FHIT: variants seen among roughly 807,000 people sequenced by gnomAD.
The protein encoded by FHIT is fragile histidine triad diadenosine triphosphatase.
FHIT carries 19 observed loss-of-function variants against 17.9 expected under a neutral mutation model. The ratio of observed to expected loss-of-function variants is 1.06; its 90% CI spans 0.74 to 1.56. The LOEUF is 1.56. Ranked by LOEUF, FHIT falls within the 40% of genes most tolerant of loss-of-function variation. The pLI, the probability that FHIT is intolerant of heterozygous loss-of-function variation, is 0.00. For missense variants in FHIT, 248 were observed against 189.2 expected (o/e 1.31, Z -1.82); for synonymous variants, 81 against 69.7 (o/e 1.16, Z -0.81).
intron 3 of FHIT, among the ~76,000 whole-genome samples, chr3:60,981,320 T>C (rs1333407308): frequency 3.3e-5 from 5 of 149,432 alleles, no homozygotes; most frequent in African/African-American, 1.2e-4. Flanking sequence ...TTCTTTTTTT[T>C]TTTTGACAGA....
chr3:59,922,566 C>T (rs1705461261), intron 7 of FHIT, 152 bp from the exon 8 acceptor site: 1 of 651,470 alleles, frequency 1.5e-6, no homozygotes, highest in African/African-American at 1.8e-5. Context: ...GGTAACTATA[C>T]CTGAAATCTG....
intron 2 of FHIT, among the ~76,000 whole-genome samples, chr3:61,163,319 T>C (rs1019280517): frequency 2.0e-5 from 3 of 152,236 alleles, no homozygotes; most frequent in Non-Finnish European, 4.4e-5. Context: ...CTGGATTTTC[T>C]GACTAATGTC....
chr3:60,824,025 T>C (rs1575569232), intron 3 of FHIT, among the ~76,000 whole-genome samples: 2 of 151,936 alleles, frequency 1.3e-5, no homozygotes, highest in South Asian at 4.2e-4. Flanking sequence ...AGCTGGAGGG[T>C]GCTAGACCTT....
chr3:60,756,113 A>G (rs1304796997), intron 4 of FHIT, among the ~76,000 whole-genome samples: 2 of 152,256 alleles, frequency 1.3e-5, no homozygotes, highest in Non-Finnish European at 2.9e-5. Context: ...GAATGCATTC[A>G]AAGTGTATTA....
At chr3:60,431,819 G>A (rs1044680626) in intron 5 of FHIT, among the ~76,000 whole-genome samples, 2 of 152,028 alleles carry the variant, frequency 1.3e-5, no homozygotes, top group African/African-American at 4.8e-5. Flanking sequence ...TCTCTTAGTA[G>A]CTTTTTATGG....
chr3:60,389,126 A>T (rs912571476), intron 5 of FHIT, among the ~76,000 whole-genome samples: 1 of 152,222 alleles, frequency 6.6e-6, no homozygotes, highest in Admixed American at 6.5e-5. Flanking sequence ...GGTTTTCCAT[A>T]TAAGTGGTTC....
chr3:60,432,527 C>T (rs1388841331), intron 5 of FHIT, among the ~76,000 whole-genome samples: 2 of 152,044 alleles, frequency 1.3e-5, no homozygotes, highest in African/African-American at 4.8e-5. Context: ...TTTATCTTAA[C>T]ACAGAGGTTC....
At chr3:60,102,026 G>C (rs1483899704) in intron 5 of FHIT, among the ~76,000 whole-genome samples, 1 of 152,170 alleles carries the variant, frequency 6.6e-6, no homozygotes, top group South Asian at 2.1e-4. Flanking sequence ...ATGCACCAAG[G>C]CAAAGTTAAA....
chr3:59,973,221 A>C (rs1216238083), intron 7 of FHIT, among the ~76,000 whole-genome samples: 1 of 152,094 alleles, frequency 6.6e-6, no homozygotes, highest in Non-Finnish European at 1.5e-5. Flanking sequence ...TCCTAACCGT[A>C]TAGTGACGCT....
chr3:60,558,477 G>T (rs1258750321), intron 4 of FHIT, among the ~76,000 whole-genome samples: 1 of 151,840 alleles, frequency 6.6e-6, no homozygotes, highest in Non-Finnish European at 1.5e-5. Flanking sequence ...TATGCCATTG[G>T]CCTGTCCACT....
chr3:61,123,853 A>G (rs977485855), intron 2 of FHIT, among the ~76,000 whole-genome samples: 7 of 152,176 alleles, frequency 4.6e-5, no homozygotes, highest in Non-Finnish European at 7.4e-5. Flanking sequence ...GGGAGTTGGG[A>G]AGAGAAGCTT....
intron 5 of FHIT, among the ~76,000 whole-genome samples, chr3:60,527,554 A>G (rs972773864): frequency 6.6e-6 from 1 of 152,210 alleles, no homozygotes; most frequent in African/African-American, 2.4e-5. Context: ...TAACCAAGCT[A>G]AACTGCCTGG....
At chr3:60,412,583 G>A (rs966370793) in intron 5 of FHIT, among the ~76,000 whole-genome samples, 4 of 151,988 alleles carry the variant, frequency 2.6e-5, no homozygotes, top group Non-Finnish European at 4.4e-5. Context: ...GAAAAGCCAG[G>A]TACTCTGCAG....
chr3:59,972,660 A>C (rs1343010354), intron 7 of FHIT, among the ~76,000 whole-genome samples: 1 of 152,082 alleles, frequency 6.6e-6, no homozygotes, highest in African/African-American at 2.4e-5. Flanking sequence ...TTCACAGCTT[A>C]AAGTCTTCAC....
rs114558600 is a variant in FHIT, at chr3:60,040,911, G to A, written c.104-26759C>T. Among the ~76,000 whole-genome samples the A allele has an allele frequency of 8.0e-3, 1,210 of 152,166 alleles. 18 individuals are homozygous for A. The highest frequency in any genetic ancestry group is 0.028 in the African/African-American group (1,154 of 41,496). ...TTCTTGAAGGCAACTCTAGGTGGGG[G>A]TAAACCACCTGGGGCCTCAAGATTT... is the stretch of plus-strand genomic sequence containing the variant. On this transcript the variant is annotated intron_variant, in intron 5 of 9. Coordinates refer to ENST00000492590, the MANE Select transcript of FHIT (RefSeq NM_002012.4).
chr3:60,443,996 G>GA (rs1002925643), intron 5 of FHIT, among the ~76,000 whole-genome samples: 7 of 151,838 alleles, frequency 4.6e-5, no homozygotes, highest in Non-Finnish European at 8.8e-5. Context: ...AAATTTACAA[G>GA]AAAAAAACAA....
At chr3:61,207,926 T>A (rs141953850) in intron 1 of FHIT, among the ~76,000 whole-genome samples, 1 of 152,342 alleles carries the variant, frequency 6.6e-6, no homozygotes, top group African/African-American at 2.4e-5. Context: ...CTTTTAGATC[T>A]TTCCTGCTTT....
At chr3:60,064,486 G>C (rs955188284) in intron 5 of FHIT, among the ~76,000 whole-genome samples, 5 of 152,156 alleles carry the variant, frequency 3.3e-5, no homozygotes, top group African/African-American at 1.2e-4. Context: ...AGTACTTCTA[G>C]AATTTTGACC....
intron 4 of FHIT, among the ~76,000 whole-genome samples, chr3:60,748,498 C>A (rs187810258): frequency 6.6e-6 from 1 of 152,260 alleles, no homozygotes; most frequent in African/African-American, 2.4e-5. Flanking sequence ...ATAACCTGTA[C>A]ACATCCTCCC....
Sources: gnomAD v4.1 joint callset for allele counts (sites outside exome capture counted in the v4.1 genomes callset) on GRCh38, gnomAD v4.1.1 for gene constraint, MANE v1.5 for transcripts, NCBI Gene and HGNC (gene_info 2026-07-23, HGNC 2026-07-21) for gene names.